ROGDI: variants seen among roughly 807,000 people sequenced by gnomAD.
The protein encoded by ROGDI is rogdi atypical leucine zipper, also known as protein rogdi homolog.
Under a neutral mutation model 43.1 loss-of-function variants are expected in ROGDI, and 46 were observed. The observed-to-expected ratio is 1.07, with a 90% CI of 0.84 to 1.37. The LOEUF (loss-of-function observed/expected upper bound fraction) is 1.37. Ranked by LOEUF, ROGDI falls within the 40% of genes most tolerant of loss-of-function variation. ROGDI has a pLI of 0.00. For synonymous variants in ROGDI, 243 were observed against 162.0 expected, an observed-to-expected ratio of 1.50 and a Z score of -3.80; for missense variants, 518 against 383.9, an observed-to-expected ratio of 1.35 and a Z score of -2.92.
chr16:4,798,699 C>A, intron 6 of ROGDI, 32 bp from the exon 7 acceptor site: 2 of 1,495,640 alleles, frequency 1.3e-6, no homozygotes, highest in Non-Finnish European at 1.8e-6. Context: ...GCTCTGCGTC[C>A]TCCCGTGTCC....
intron 2 of ROGDI, chr16:4,802,044 G>T (rs1407289134): frequency 1.7e-6 from 1 of 595,574 alleles, no homozygotes; most frequent in Non-Finnish European, 3.2e-6. Flanking sequence ...GGGAGGCCCA[G>T]GGAGGTTCAG....
rs761021735 is a variant in ROGDI, at chr16:4,798,006, G to C, written c.646-19C>G. On this transcript the variant is annotated intron_variant, in intron 8 of 10. Transcript: ENST00000322048. ...GGAAGTTCTAGGGAGAACAGCACCA[G>C]ACCCGTCAGGCCTTGCAGGGCGTGT... is the stretch of plus-strand genomic sequence containing the variant. The C allele has an allele frequency of 3.1e-6, 5 of 1,613,148 alleles. No homozygotes were observed. Among genetic ancestry groups the C allele is most frequent in the South Asian group, 1.1e-5 (1 of 91,034 alleles).
At chr16:4,800,010 T>C (rs915504553) in intron 5 of ROGDI, among the ~76,000 whole-genome samples, 12 of 152,070 alleles carry the variant, frequency 7.9e-5, no homozygotes, top group African/African-American at 2.7e-4. Context: ...CACACAGTAA[T>C]GCCCAAGACA....
intron 6 of ROGDI, 105 bp downstream of exon 6, chr16:4,799,581 C>T: frequency 1.3e-6 from 1 of 750,176 alleles, no homozygotes. Flanking sequence ...TAAGTGCTTA[C>T]AGGTTGCACA....
At position 4,802,618 on chromosome 16, in the gene ROGDI, G is replaced by C; in HGVS notation, c.-47C>G. 7.8e-7 allele frequency: 1 copy of C among 1,285,948 alleles called. No individual in the cohort carries two copies. The highest frequency in any genetic ancestry group is 9.9e-7 in the Non-Finnish European group (1 of 1,012,892). The allele number at this position is 1,285,948 out of a possible 1,614,324, so 79.7% of individuals were successfully genotyped here. A position where few individuals can be genotyped will look rare whatever the true frequency, so the allele number is the denominator to read the frequency against. On this transcript the variant is annotated 5_prime_UTR_variant, in exon 1 of 11. Transcript: ENST00000322048. ...GCCCTCCCCACCGGCCGCTGCTCCT[G>C]TCCACCAATCTTTCTGTCCTCGGTC...
At chr16:4,801,072 T>C (rs1288571985) in intron 4 of ROGDI, 195 bp downstream of exon 4, 1 of 550,892 alleles carries the variant, frequency 1.8e-6, no homozygotes, top group Non-Finnish European at 3.2e-6. Flanking sequence ...ACCCCTCTCC[T>C]GCACCTCTTA....
In ROGDI at chr16:4,802,397, C is replaced by G. The variant is rs758967613; in HGVS notation, c.102G>C (p.Leu34=). ...GGGTCGTTACCTTGAGGATGTCCTG[C>G]AGCTGCTTCAACACAGCGTGCACCT... ...HDEVHAVLKQ[L]QDILKEASLR... The change falls in exon 2 of 11, where the codon CTG becomes CTC. Residue 34 remains leucine, a synonymous_variant. Transcript: ENST00000322048. The G allele has an allele frequency of 6.4e-7, 1 of 1,570,644 alleles. No individual in the cohort carries two copies. The highest frequency in any genetic ancestry group is 8.6e-7 in the Non-Finnish European group (1 of 1,162,494).
rs762762043 is a variant in ROGDI, at chr16:4,799,794, G to C, written c.337-13C>G. 2 of 1,597,982 alleles carry C rather than the reference G, an allele frequency of 1.3e-6. No individual in the cohort carries two copies. ...TGGCATCCTGGATCTGGAAGCAGGGGTCATCCAGAGGGGTCACGCCAGCTT... is the reference window on the plus strand; with the variant it reads ...TGGCATCCTGGATCTGGAAGCAGGGCTCATCCAGAGGGGTCACGCCAGCTT... On this transcript the variant is annotated splice_polypyrimidine_tract_variant and intron_variant, in intron 5 of 10. Transcript: ENST00000322048.
In ROGDI at chr16:4,797,358, G is replaced by A. The variant is rs754503264; in HGVS notation, c.*102C>T. 9.7e-6 allele frequency: 10 copies of A among 1,028,786 alleles called. No individual in the cohort carries two copies. In the Admixed American group the frequency reaches 1.3e-4, roughly 14 times the overall value. The allele number at this position is 1,028,786 out of a possible 1,614,324, so 63.7% of individuals were successfully genotyped here. ...TAGGTGGGGTAGGGGGTGGGATAGGGAGATAAATAGCAGCCTGGCGTTGGC... is the reference window on the plus strand; with the variant it reads ...TAGGTGGGGTAGGGGGTGGGATAGGAAGATAAATAGCAGCCTGGCGTTGGC... On this transcript the variant is annotated 3_prime_UTR_variant, in exon 11 of 11. Coordinates refer to ENST00000322048, the MANE Select transcript of ROGDI (RefSeq NM_024589.3).
intron 6 of ROGDI, among the ~76,000 whole-genome samples, chr16:4,799,362 C>A (rs553935458): frequency 1.8e-4 from 27 of 152,228 alleles, no homozygotes; most frequent in African/African-American, 6.5e-4. Context: ...CACAGCAAGT[C>A]AGGGGCAGAA....
chr16:4,798,069 A>T lies in ROGDI; in HGVS notation c.645+2T>A, dbSNP rs754417953. 12 of 1,613,584 alleles carry T rather than the reference A, an allele frequency of 7.4e-6. No homozygotes were observed. Among genetic ancestry groups the T allele is most frequent in the African/African-American group, 1.3e-5 (1 of 74,904 alleles). On this transcript the variant is annotated splice_donor_variant, in intron 8 of 10. Transcript: ENST00000322048. LOFTEE classifies it high-confidence loss of function. The stretch of plus-strand genomic sequence containing the variant: ...GTGGGCCGGGCAGGGGTCCCTCCTC[A>T]CCTTGGTGGAGTTGGGCTGCAGGGC...
At chr16:4,798,790 G>A (rs371884920) in intron 6 of ROGDI, 123 bp from the exon 7 acceptor site, 67 of 787,990 alleles carry the variant, frequency 8.5e-5, no homozygotes, top group East Asian at 4.9e-4. Flanking sequence ...CCCGAAACCC[G>A]GCAGCAGGGA....
chr16:4,798,119 G>A lies in ROGDI; in HGVS notation c.597C>T (p.Leu199=), dbSNP rs1596274997. The A allele has an allele frequency of 1.4e-5, 22 of 1,614,064 alleles. No homozygotes were observed. The highest frequency in any genetic ancestry group is 1.9e-5 in the Non-Finnish European group (22 of 1,179,952). The change falls in exon 8 of 11, where the codon CTC becomes CTT. Residue 199 remains leucine (L), a synonymous_variant. Transcript: ENST00000322048. ...CATGCAGCTGGTACACCGTGAGGCA[G>A]AGCTTGTTGAGGTTGATGTAGACGT... is the stretch of plus-strand genomic sequence containing the variant. The part of the protein sequence containing the change: ...LVNVYINLNK[L]CLTVYQLHAL...
chr16:4,797,877 G>T (rs1312990580), intron 9 of ROGDI, 37 bp from the exon 10 acceptor site: 12 of 1,607,626 alleles, frequency 7.5e-6, no homozygotes, highest in Non-Finnish European at 8.5e-6. Context: ...GAGGGTCCCG[G>T]CCCTCCAGGT....
At chr16:4,800,630 C>T (rs1368776816) in intron 4 of ROGDI, 52 bp from the exon 5 acceptor site, 2 of 1,415,830 alleles carry the variant, frequency 1.4e-6, no homozygotes, top group East Asian at 2.5e-5. Flanking sequence ...CCTCCTGCCA[C>T]AGCCACTCTG....
At chr16:4,797,655 G>A (rs532685886) in intron 10 of ROGDI, 59 bp downstream of exon 10, 16 of 1,610,122 alleles carry the variant, frequency 9.9e-6, no homozygotes, top group African/African-American at 8.0e-5. Flanking sequence ...GCGCTCTGAG[G>A]GTGTGGCAAG....
chr16:4,800,429 G>C, intron 5 of ROGDI, 69 bp downstream of exon 5: 1 of 1,279,608 alleles, frequency 7.8e-7, no homozygotes, highest in South Asian at 1.3e-5. Flanking sequence ...CCTCTCCAGG[G>C]AGGCCCCGCG....
At position 4,797,930 on chromosome 16, in the gene ROGDI, C is replaced by T; in HGVS notation, c.695+8G>A. ...GCGTGCCTGGACCCCCCGCCCCTGC[C>T]TACTTACAACATGGCCCCAGGGCTA... On this transcript the variant is annotated splice_region_variant and intron_variant, in intron 9 of 10. Coordinates refer to ENST00000322048, the MANE Select transcript of ROGDI (RefSeq NM_024589.3). 1 of 1,599,038 alleles carries T rather than the reference C, an allele frequency of 6.3e-7. No homozygotes were observed. Among genetic ancestry groups the T allele is most frequent in the South Asian group, 1.1e-5 (1 of 89,884 alleles).
At position 4,797,964 on chromosome 16, in the gene ROGDI, C is replaced by A. The variant is rs143402543; in HGVS notation, c.669G>T (p.Ala223=). 6.2e-7 allele frequency: 1 copy of A among 1,605,760 alleles called. No homozygotes were observed. Among genetic ancestry groups the A allele is most frequent in the Non-Finnish European group, 8.5e-7 (1 of 1,174,636 alleles). Residue 223 remains alanine, a synonymous_variant, in exon 9 of 11, where the codon GCG becomes GCT. Coordinates refer to ENST00000322048, the MANE Select transcript of ROGDI (RefSeq NM_024589.3). ...ACATGGCCCCAGGGCTATGCAGCAC[C>A]GCGCCCCCAGCTGGGCGGAAGTTCT... The part of the protein sequence containing the change: ...STKNFRPAGG[A]VLHSPGAMFE...
Sources: allele counts gnomAD v4.1 joint callset (sites outside exome capture counted in the v4.1 genomes callset), GRCh38; gene constraint gnomAD v4.1.1; transcripts MANE v1.5; gene names NCBI Gene and HGNC (gene_info 2026-07-23, HGNC 2026-07-21).